Variants in CACNA2D4 observed in about 807,000 individuals in gnomAD.
CACNA2D4 encodes calcium voltage-gated channel auxiliary subunit alpha2delta 4, also known as voltage-dependent calcium channel subunit alpha-2/delta-4.
In CACNA2D4, 157 loss-of-function variants were observed where a neutral mutation model predicts 163.8. The observed-to-expected ratio is 0.96, with a 90% confidence interval of 0.84 to 1.09. CACNA2D4 has a LOEUF of 1.09. CACNA2D4 is among the 50% of genes least tolerant of loss of function. The pLI is 0.00. For missense variants in CACNA2D4, 1,410 were observed against 1,479.9 expected (o/e 0.95, Z 0.78); for synonymous variants, 598 against 586.9 (o/e 1.02, Z -0.27).
At chr12:1,852,432 G>T (rs1457355194) in intron 23 of CACNA2D4, among the ~76,000 whole-genome samples, 1 of 152,184 alleles carries the variant, frequency 6.6e-6, no homozygotes, top group Non-Finnish European at 1.5e-5. Context: ...CACTTTGGGA[G>T]GCTGAGGTGG....
At chr12:1,794,012 G>A (rs939509149) in intron 37 of CACNA2D4, among the ~76,000 whole-genome samples, 3 of 152,196 alleles carry the variant, frequency 2.0e-5, no homozygotes, top group Non-Finnish European at 2.9e-5. Context: ...CATCCTCTCA[G>A]AATGTCCTCA....
At chr12:1,880,084 A>G (rs1865962673) in intron 13 of CACNA2D4, among the ~76,000 whole-genome samples, 1 of 152,206 alleles carries the variant, frequency 6.6e-6, no homozygotes, top group Admixed American at 6.5e-5. Context: ...CCAGAAGTGG[A>G]CTGGAGGGCA....
chr12:1,865,165 G>A (rs1865618498), intron 18 of CACNA2D4, among the ~76,000 whole-genome samples: 1 of 152,230 alleles, frequency 6.6e-6, no homozygotes. Flanking sequence ...CGCCGTGGCG[G>A]GGAAGGCGCG....
chr12:1,895,533 G>T (rs1866382622), intron 6 of CACNA2D4, among the ~76,000 whole-genome samples: 1 of 151,892 alleles, frequency 6.6e-6, no homozygotes, highest in Admixed American at 6.6e-5. Context: ...GCATGATATT[G>T]GTATAAAAAC....
chr12:1,835,906 A>T (rs1196344560), intron 26 of CACNA2D4: 1 of 152,328 alleles, frequency 6.6e-6, no homozygotes, highest in Non-Finnish European at 1.5e-5. Context: ...CTGGCCTGTG[A>T]CTTCAGGGCT....
intron 26 of CACNA2D4, chr12:1,827,848 C>T: frequency 2.8e-6 from 1 of 356,120 alleles, no homozygotes; most frequent in Non-Finnish European, 5.0e-6. Context: ...AGCTTTGCGG[C>T]ACTGTGCCCG....
rs1867014048 is a variant in CACNA2D4, at chr12:1,917,403, C to T, written c.227+844G>A. On this transcript the variant is annotated intron_variant, in intron 1 of 37. Transcript: ENST00000382722. This position sits in a 1 kb window ranked among gnomAD's most constrained non-coding sequence, Gnocchi z 4.3. ...GTGTCATTTAGGCTCCCTGTCCCCA[C>T]TCCTGCTAAGACATGCAGTTGGCAG... Among the ~76,000 whole-genome samples, 2 of 152,206 alleles carry T rather than the reference C, an allele frequency of 1.3e-5. No individual in the cohort carries two copies. Among genetic ancestry groups the T allele is most frequent in the African/African-American group, 2.4e-5 (1 of 41,436 alleles).
intron 18 of CACNA2D4, among the ~76,000 whole-genome samples, chr12:1,866,779 C>T (rs1045260291): frequency 3.2e-4 from 45 of 139,932 alleles, no homozygotes; most frequent in Admixed American, 2.7e-3. Context: ...TGCCACCACA[C>T]CTGGCTAATT....
intron 35 of CACNA2D4, among the ~76,000 whole-genome samples, chr12:1,796,820 T>C (rs10848576): frequency 0.81 from 123,395 of 152,156 alleles, 51,164 homozygotes; most frequent in Non-Finnish European, 0.89. Context: ...CGGGCTTGGG[T>C]GCGGGGGGTC....
At chr12:1,913,455 C>T (rs1205746875) in intron 2 of CACNA2D4, among the ~76,000 whole-genome samples, 1 of 152,200 alleles carries the variant, frequency 6.6e-6, no homozygotes, top group Non-Finnish European at 1.5e-5. Context: ...GCAGGTGACC[C>T]CTGATGGGGC....
chr12:1,809,607 A>G, intron 29 of CACNA2D4: 1 of 697,690 alleles, frequency 1.4e-6, no homozygotes, highest in South Asian at 1.5e-5. Flanking sequence ...TTTGGAGCCC[A>G]GCAAGTATAA....
chr12:1,830,150 C>T (rs1864556701), intron 26 of CACNA2D4, among the ~76,000 whole-genome samples: 1 of 152,236 alleles, frequency 6.6e-6, no homozygotes, highest in South Asian at 2.1e-4. Flanking sequence ...GGCTGAGAGC[C>T]TAGATGGCTT....
At chr12:1,877,788 G>A (rs1865912205) in intron 16 of CACNA2D4, among the ~76,000 whole-genome samples, 1 of 152,308 alleles carries the variant, frequency 6.6e-6, no homozygotes, top group Non-Finnish European at 1.5e-5. Context: ...ACTAGCTCCT[G>A]GAGGCAGAGC....
At chr12:1,814,265 G>T (rs1365928424) in intron 26 of CACNA2D4, among the ~76,000 whole-genome samples, 1 of 152,162 alleles carries the variant, frequency 6.6e-6, no homozygotes, top group African/African-American at 2.4e-5. Context: ...GAGGGTGGGG[G>T]TGTAGGTGTT....
intron 24 of CACNA2D4, 24 bp downstream of exon 24, chr12:1,846,570 C>G: frequency 6.4e-7 from 1 of 1,558,642 alleles, no homozygotes. Context: ...GGATTGCCCT[C>G]CCGAGGTGGC....
chr12:1,885,125 G>T (rs779951437), intron 9 of CACNA2D4, 49 bp from the exon 10 acceptor site: 6 of 1,469,520 alleles, frequency 4.1e-6, no homozygotes, highest in Non-Finnish European at 5.7e-6. Context: ...GAGTGGGCCA[G>T]TGGAGCTTCA....
At chr12:1,853,865 C>G (rs1013195707) in intron 23 of CACNA2D4, 86 bp downstream of exon 23, 14 of 1,055,112 alleles carry the variant, frequency 1.3e-5, no homozygotes, top group Non-Finnish European at 1.4e-5. Context: ...CCTGAGCCAC[C>G]AGCCAGATGG....
chr12:1,824,912 C>T (rs1864253442), intron 26 of CACNA2D4, among the ~76,000 whole-genome samples: 3 of 152,232 alleles, frequency 2.0e-5, no homozygotes, highest in Admixed American at 2.0e-4. Context: ...ATTTTTCCTG[C>T]TCTTGGGAAG....
At chr12:1,865,637 T>G (rs10774002) in intron 18 of CACNA2D4, among the ~76,000 whole-genome samples, 87,289 of 152,094 alleles carry the variant, frequency 0.57, 25,641 homozygotes, top group Non-Finnish European at 0.63. Flanking sequence ...CCGCTGCGGC[T>G]GCACCACGCA....
Sources: allele counts gnomAD v4.1 joint callset (sites outside exome capture counted in the v4.1 genomes callset), GRCh38; gene constraint gnomAD v4.1.1; non-coding constraint Gnocchi (gnomAD v3.1); transcripts MANE v1.5; gene names NCBI Gene and HGNC (gene_info 2026-07-23, HGNC 2026-07-21).